ARL15: variants seen among roughly 807,000 people sequenced by gnomAD.
ARL15 encodes the protein ARF like GTPase 15.
A neutral mutation model predicts 25.2 loss-of-function variants in ARL15; 19 were observed. That is an observed-to-expected ratio of 0.75 (90% CI 0.53 to 1.10). ARL15 has a LOEUF of 1.10. Among genes scored for constraint, ARL15 ranks in the 50% least tolerant of loss-of-function variants. The probability of loss-of-function intolerance (pLI) is 0.00; values close to 1 mark genes in which losing one functional copy is unlikely to be tolerated. For missense variants in ARL15, 220 were observed against 246.0 expected (o/e 0.89, Z 0.71); for synonymous variants, 94 against 86.8 (o/e 1.08, Z -0.46).
At chr5:53,971,048 G>A (rs772148163) in intron 4 of ARL15, among the ~76,000 whole-genome samples, 5 of 152,098 alleles carry the variant, frequency 3.3e-5, no homozygotes, top group Non-Finnish European at 7.4e-5. Flanking sequence ...CACTATCAAA[G>A]AGAAGTGCCT....
At chr5:54,034,499 G>A (rs1029858539) in intron 4 of ARL15, among the ~76,000 whole-genome samples, 1 of 152,106 alleles carries the variant, frequency 6.6e-6, no homozygotes, top group African/African-American at 2.4e-5. Flanking sequence ...AATGCTATTT[G>A]TTAAAGTAAA....
intron 4 of ARL15, among the ~76,000 whole-genome samples, chr5:54,060,128 C>CAAA (rs1751016529): frequency 4.6e-5 from 3 of 64,800 alleles, no homozygotes; most frequent in African/African-American, 2.4e-4. Context: ...GATCTGATGA[C>CAAA]TAAAAAAAAA....
At chr5:54,124,045 C>G (rs1753170157) in intron 3 of ARL15, among the ~76,000 whole-genome samples, 1 of 152,088 alleles carries the variant, frequency 6.6e-6, no homozygotes, top group African/African-American at 2.4e-5. Context: ...GGGAGAGAGA[C>G]AGTGTAATTT....
At chr5:53,958,446 A>G (rs1273568578) in intron 4 of ARL15, among the ~76,000 whole-genome samples, 2 of 152,204 alleles carry the variant, frequency 1.3e-5, no homozygotes, top group African/African-American at 4.8e-5. Flanking sequence ...GGAAAAGAGA[A>G]TCAAAACAAT....
chr5:54,009,711 G>T (rs1390713043), intron 4 of ARL15, among the ~76,000 whole-genome samples: 4 of 152,146 alleles, frequency 2.6e-5, no homozygotes, highest in Non-Finnish European at 4.4e-5. Flanking sequence ...TCTATATTAA[G>T]ACAAACTTGA....
intron 4 of ARL15, among the ~76,000 whole-genome samples, chr5:54,044,850 A>G (rs1314780904): frequency 1.3e-5 from 2 of 152,212 alleles, no homozygotes; most frequent in South Asian, 2.1e-4. Context: ...TCCTTTTGAC[A>G]AAATTTTATT....
intron 1 of ARL15, among the ~76,000 whole-genome samples, chr5:54,287,520 C>T: frequency 6.6e-6 from 1 of 151,194 alleles, no homozygotes; most frequent in East Asian, 1.9e-4. Flanking sequence ...AAGCAAGAAA[C>T]ATCCCATAAT....
chr5:54,040,432 A>T (rs2111941143), intron 4 of ARL15, among the ~76,000 whole-genome samples: 1 of 152,340 alleles, frequency 6.6e-6, no homozygotes, highest in Middle Eastern at 3.4e-3. Flanking sequence ...ATTTTCAGAA[A>T]GAATACCTAA....
chr5:54,148,851 TA>T (rs996919301), intron 3 of ARL15, among the ~76,000 whole-genome samples: 3 of 152,222 alleles, frequency 2.0e-5, no homozygotes, highest in African/African-American at 7.2e-5. Flanking sequence ...TATCAATAAA[TA>T]ATAACACACC....
At position 54,000,601 on chromosome 5, in the gene ARL15, G is replaced by A. The variant is rs143647068; in HGVS notation, c.462+112601C>T. 2.6e-5 allele frequency among the ~76,000 whole-genome samples: 4 copies of A among 152,250 alleles called. 1 individual carries two copies. The East Asian group carries it at 7.7e-4, about 29-fold the overall frequency. On this transcript the variant is annotated intron_variant, in intron 4 of 4. Coordinates refer to ENST00000504924, the MANE Select transcript of ARL15 (RefSeq NM_019087.3). ...TAAAGTTTAACAAATGACCCAGCCT[G>A]TCTCTGCGGTACATATAGTATCACT...
intron 4 of ARL15, among the ~76,000 whole-genome samples, chr5:53,964,581 T>G (rs576298627): frequency 1.4e-4 from 21 of 152,106 alleles, no homozygotes; most frequent in Non-Finnish European, 2.6e-4. Context: ...AGGATGGTCT[T>G]GATCTCCTGA....
intron 1 of ARL15, among the ~76,000 whole-genome samples, chr5:54,308,139 G>A (rs1006025003): frequency 6.6e-6 from 1 of 152,134 alleles, no homozygotes; most frequent in Non-Finnish European, 1.5e-5. Flanking sequence ...TCTGAAAGTC[G>A]ACAAGCAAAA....
At chr5:53,982,896 T>C (rs1748171358) in intron 4 of ARL15, among the ~76,000 whole-genome samples, 1 of 152,246 alleles carries the variant, frequency 6.6e-6, no homozygotes, top group Non-Finnish European at 1.5e-5. Flanking sequence ...TGTGAGATGG[T>C]ATCTCGTTGT....
chr5:54,230,326 CAG>C (rs1333924034), intron 1 of ARL15, among the ~76,000 whole-genome samples: 1 of 116,818 alleles, frequency 8.6e-6, no homozygotes, highest in African/African-American at 3.3e-5. Flanking sequence ...AGCCTGGAGA[CAG>C]AGTGAGATTC....
intron 1 of ARL15, among the ~76,000 whole-genome samples, chr5:54,268,465 C>T (rs1171790194): frequency 2.6e-5 from 4 of 152,342 alleles, no homozygotes; most frequent in Non-Finnish European, 5.9e-5. Flanking sequence ...CTTCTCTCAA[C>T]TTGTCAAAGT....
rs73754463 is a variant in ARL15 at position 54,151,734 on chromosome 5, C to G, written c.253+2846G>C. 5.3e-3 allele frequency among the ~76,000 whole-genome samples: 800 copies of G among 151,856 alleles called. 10 individuals carry two copies. Among genetic ancestry groups the G allele is most frequent in the African/African-American group, 0.018 (731 of 41,416 alleles). ...AACATATAGTTTGTCATTAAGATCC[C>G]CAAAAGTGACTTTCACTGAGTGTAA... On this transcript the variant is annotated intron_variant, in intron 3 of 4. Coordinates refer to ENST00000504924, the MANE Select transcript of ARL15 (RefSeq NM_019087.3).
At chr5:54,146,296 G>A (rs1264041580) in intron 3 of ARL15, among the ~76,000 whole-genome samples, 1 of 152,074 alleles carries the variant, frequency 6.6e-6, no homozygotes, top group Non-Finnish European at 1.5e-5. Flanking sequence ...GAGGTTAGAG[G>A]TAGGATCTAC....
intron 1 of ARL15, among the ~76,000 whole-genome samples, chr5:54,240,152 G>T (rs185442312): frequency 6.6e-6 from 1 of 151,368 alleles, no homozygotes; most frequent in Admixed American, 6.6e-5. Flanking sequence ...GCATGAACCC[G>T]GGAGGCGGAG....
intron 4 of ARL15, among the ~76,000 whole-genome samples, chr5:54,099,691 C>A (rs1400120746): frequency 1.3e-5 from 2 of 152,044 alleles, no homozygotes; most frequent in African/African-American, 4.8e-5. Context: ...ACTCATTCAA[C>A]CCTCAAAACA....
Sources: gnomAD v4.1 joint callset for allele counts (sites outside exome capture counted in the v4.1 genomes callset) on GRCh38, gnomAD v4.1.1 for gene constraint, MANE v1.5 for transcripts, NCBI Gene and HGNC (gene_info 2026-07-23, HGNC 2026-07-21) for gene names.